Variants in NT5DC1 observed in about 807,000 individuals in gnomAD.
The protein encoded by NT5DC1 is 5'-nucleotidase domain-containing protein 1.
Under a neutral mutation model 59.4 loss-of-function variants are expected in NT5DC1, and 42 were observed. That is an observed-to-expected ratio of 0.71 (90% CI 0.55 to 0.92). NT5DC1 has a LOEUF of 0.92. NT5DC1 is among the 40% of genes least tolerant of loss of function. NT5DC1 has a pLI of 0.00. For synonymous variants in NT5DC1, 172 were observed against 188.1 expected (o/e 0.91, Z 0.70); for missense variants, 501 against 537.1 (o/e 0.93, Z 0.66).
At chr6:116,154,532 A>G (rs1464107548) in intron 6 of NT5DC1, among the ~76,000 whole-genome samples, 3 of 151,620 alleles carry the variant, frequency 2.0e-5, no homozygotes, top group Non-Finnish European at 4.4e-5. Context: ...AATGCTGATG[A>G]AAAAAAAATA....
chr6:116,171,236 A>G (rs576020509), intron 6 of NT5DC1, among the ~76,000 whole-genome samples: 3 of 149,742 alleles, frequency 2.0e-5, no homozygotes, highest in African/African-American at 5.1e-5. Context: ...TAATCACTTA[A>G]CTTATTTTTT....
chr6:116,236,884 T>C, intron 8 of NT5DC1, 82 bp from the exon 9 acceptor site: 3 of 803,550 alleles, frequency 3.7e-6, no homozygotes, highest in Non-Finnish European at 6.5e-6. Flanking sequence ...ACATGTCCTG[T>C]AGCCATGCCC....
intron 6 of NT5DC1, chr6:116,121,558 T>C: frequency 6.2e-7 from 1 of 1,613,938 alleles, no homozygotes; most frequent in Non-Finnish European, 8.5e-7. Context: ...CCCCTTTCTG[T>C]CCATTCATAC....
chr6:116,238,028 A>T (rs1347822407), intron 9 of NT5DC1, among the ~76,000 whole-genome samples, 159 bp from the exon 10 acceptor site: 1 of 152,234 alleles, frequency 6.6e-6, no homozygotes, highest in Non-Finnish European at 1.5e-5. Flanking sequence ...AGACAAGTTG[A>T]TGGTCACCTG....
intron 8 of NT5DC1, among the ~76,000 whole-genome samples, chr6:116,234,367 G>A (rs946187687): frequency 6.6e-6 from 1 of 151,998 alleles, no homozygotes; most frequent in Non-Finnish European, 1.5e-5. Context: ...TTTAGACAGG[G>A]TCTACTTCTG....
At chr6:116,193,215 A>G (rs1158190940) in intron 6 of NT5DC1, among the ~76,000 whole-genome samples, 1 of 151,978 alleles carries the variant, frequency 6.6e-6, no homozygotes, top group Non-Finnish European at 1.5e-5. Context: ...CCAGTTTTTC[A>G]CTGTTTATTT....
chr6:116,244,517 T>C lies in NT5DC1; in HGVS notation c.*493T>C, dbSNP rs1582890438. ...TTTGAGACCCACTGGCTAGAACATA[T>C]CCTCCAGAGACTTGGCTTAATTGGT... is the stretch of plus-strand genomic sequence containing the variant. On this transcript the variant is annotated 3_prime_UTR_variant, in exon 12 of 12. Coordinates refer to ENST00000319550, the MANE Select transcript of NT5DC1 (RefSeq NM_152729.3). 1.3e-5 allele frequency: 2 copies of C among 152,290 alleles called. No homozygotes were observed. Among genetic ancestry groups the C allele is most frequent in the African/African-American group, 4.8e-5 (2 of 41,450 alleles). The allele number at this position is 152,290 out of a possible 1,614,324, so 9.4% of individuals were successfully genotyped here.
intron 5 of NT5DC1, 142 bp from the exon 6 acceptor site, chr6:116,117,719 T>G (rs1778994105): frequency 1.7e-6 from 1 of 590,316 alleles, no homozygotes; most frequent in African/African-American, 1.9e-5. Flanking sequence ...TTCATCACTT[T>G]TGTACCATTA....
intron 1 of NT5DC1, among the ~76,000 whole-genome samples, chr6:116,102,063 G>C (rs1395751727): frequency 6.6e-6 from 1 of 152,230 alleles, no homozygotes; most frequent in African/African-American, 2.4e-5. Context: ...GATTAAATGA[G>C]TAAGAGATGT....
intron 6 of NT5DC1, among the ~76,000 whole-genome samples, chr6:116,188,714 T>TG (rs1271301893): frequency 6.6e-6 from 1 of 151,674 alleles, no homozygotes; most frequent in African/African-American, 2.4e-5. Context: ...TACTTTTTTT[T>TG]TTTTTACCTG....
chr6:116,203,740 T>C (rs1309698611), intron 6 of NT5DC1, among the ~76,000 whole-genome samples: 1 of 151,944 alleles, frequency 6.6e-6, no homozygotes, highest in Non-Finnish European at 1.5e-5. Context: ...ACACCTAGAA[T>C]TAGAATTGCC....
intron 8 of NT5DC1, among the ~76,000 whole-genome samples, chr6:116,233,977 G>GTTTTTTT (rs34646243): frequency 2.7e-5 from 3 of 109,858 alleles, no homozygotes; most frequent in Admixed American, 1.1e-4. Context: ...TCTTATAACT[G>GTTTTTTT]TTTTTTTTTT....
intron 6 of NT5DC1, among the ~76,000 whole-genome samples, chr6:116,211,321 C>G (rs1781573609): frequency 6.6e-6 from 1 of 151,976 alleles, no homozygotes; most frequent in African/African-American, 2.4e-5. Flanking sequence ...CCCTCAGAAT[C>G]AGGAGATGAT....
intron 6 of NT5DC1, among the ~76,000 whole-genome samples, chr6:116,140,233 G>T (rs1430138198): frequency 6.6e-6 from 1 of 152,042 alleles, no homozygotes; most frequent in African/African-American, 2.4e-5. Flanking sequence ...GTTACCTAAA[G>T]CCATCAACTT....
At chr6:116,132,461 A>AT (rs1329600954) in intron 6 of NT5DC1, among the ~76,000 whole-genome samples, 2 of 150,576 alleles carry the variant, frequency 1.3e-5, no homozygotes, top group Non-Finnish European at 3.0e-5. Context: ...TGTCTTTTTA[A>AT]TTTGCTTATG....
intron 6 of NT5DC1, among the ~76,000 whole-genome samples, chr6:116,211,078 T>TA (rs1167342895): frequency 2.6e-5 from 4 of 152,048 alleles, no homozygotes; most frequent in Admixed American, 6.6e-5. Flanking sequence ...TTGCTTGTCT[T>TA]AAAACACTTG....
At chr6:116,116,886 CTT>C (rs1238542609) in intron 5 of NT5DC1, among the ~76,000 whole-genome samples, 2 of 151,876 alleles carry the variant, frequency 1.3e-5, no homozygotes, top group Non-Finnish European at 2.9e-5. Flanking sequence ...AGTAGTCTGT[CTT>C]TGTTTAGATA....
chr6:116,170,340 G>A (rs959164891), intron 6 of NT5DC1, among the ~76,000 whole-genome samples: 1 of 152,112 alleles, frequency 6.6e-6, no homozygotes, highest in Non-Finnish European at 1.5e-5. Context: ...GGTTCATAGA[G>A]TACAGACTTA....
At chr6:116,156,983 T>C (rs1467301075) in intron 6 of NT5DC1, among the ~76,000 whole-genome samples, 1 of 152,160 alleles carries the variant, frequency 6.6e-6, no homozygotes, top group African/African-American at 2.4e-5. Flanking sequence ...TTCCTCATCA[T>C]AGCTTGTTTA....
Sources: gnomAD v4.1 joint callset for allele counts (sites outside exome capture counted in the v4.1 genomes callset) on GRCh38, gnomAD v4.1.1 for gene constraint, MANE v1.5 for transcripts, NCBI Gene and HGNC (gene_info 2026-07-23, HGNC 2026-07-21) for gene names.